The following FSTL1 variants were observed in gnomAD, a reference collection of about 807,000 sequenced individuals.
FSTL1 encodes the protein follistatin like 1, also known as follistatin-related protein 1.
Under a neutral mutation model 45.9 loss-of-function variants are expected in FSTL1, and 24 were observed. That is an observed-to-expected ratio of 0.52 (90% CI 0.38 to 0.74). The LOEUF (loss-of-function observed/expected upper bound fraction) is 0.74. FSTL1 is among the 30% of genes least tolerant of loss of function. The probability of loss-of-function intolerance (pLI) is 0.00; values close to 1 mark genes in which losing one functional copy is unlikely to be tolerated. For synonymous variants in FSTL1, 120 were observed against 137.6 expected (o/e 0.87, Z 0.89); for missense variants, 340 against 381.8 (o/e 0.89, Z 0.91).
At chr3:120,400,773 C>T (rs1220673956) in intron 9 of FSTL1, among the ~76,000 whole-genome samples, 1 of 152,186 alleles carries the variant, frequency 6.6e-6, no homozygotes. Context: ...CAGGTATTAA[C>T]CTGAAAATGC....
intron 2 of FSTL1, chr3:120,441,427 G>A (rs1401870304): frequency 6.6e-6 from 1 of 152,204 alleles, no homozygotes; most frequent in Non-Finnish European, 1.5e-5. Context: ...TAGAACTGTG[G>A]CTTCACAGAA....
intron 2 of FSTL1, among the ~76,000 whole-genome samples, chr3:120,437,342 T>C (rs1312899470): frequency 1.3e-5 from 2 of 152,194 alleles, no homozygotes; most frequent in East Asian, 3.8e-4. Flanking sequence ...ATGAATGACA[T>C]GCACTTATTA....
intron 2 of FSTL1, among the ~76,000 whole-genome samples, chr3:120,426,208 A>G (rs983360518): frequency 1.1e-4 from 16 of 152,130 alleles, no homozygotes; most frequent in Non-Finnish European, 1.2e-4. Context: ...CAAATCAAAG[A>G]AGGGAGAAAG....
At chr3:120,401,833 A>T (rs1211857129) in intron 9 of FSTL1, among the ~76,000 whole-genome samples, 1 of 152,184 alleles carries the variant, frequency 6.6e-6, no homozygotes, top group African/African-American at 2.4e-5. Flanking sequence ...TGGCCTCCCC[A>T]AGTGTTGGGA....
chr3:120,412,594 T>C (rs1167713113), intron 3 of FSTL1, among the ~76,000 whole-genome samples: 2 of 152,178 alleles, frequency 1.3e-5, no homozygotes, highest in East Asian at 1.9e-4. Context: ...TATTTTGTTA[T>C]AGCAGCCCAA....
intron 2 of FSTL1, among the ~76,000 whole-genome samples, chr3:120,431,826 CA>C (rs1937483366): frequency 6.6e-6 from 1 of 152,164 alleles, no homozygotes; most frequent in African/African-American, 2.4e-5. Flanking sequence ...AACATACAGG[CA>C]AGGCAGCATG....
chr3:120,447,044 G>A (rs1001236164), intron 2 of FSTL1, among the ~76,000 whole-genome samples: 1 of 152,144 alleles, frequency 6.6e-6, no homozygotes, highest in African/African-American at 2.4e-5. Flanking sequence ...GGAGAGTGGG[G>A]GTATGCTTGG....
At chr3:120,416,644 A>T (rs1473885837) in intron 2 of FSTL1, among the ~76,000 whole-genome samples, 3 of 152,228 alleles carry the variant, frequency 2.0e-5, no homozygotes, top group Admixed American at 6.5e-5. Flanking sequence ...TCTAGGCATT[A>T]TCATCTCAAA....
At chr3:120,422,319 A>T (rs1385456595) in intron 2 of FSTL1, among the ~76,000 whole-genome samples, 3 of 152,244 alleles carry the variant, frequency 2.0e-5, no homozygotes, top group African/African-American at 7.2e-5. Flanking sequence ...AAGAGGATAG[A>T]TCATAAATTA....
rs968689744 is a variant in FSTL1 at position 120,394,841 on chromosome 3, G to A, written c.*2111C>T. 4.6e-5 allele frequency: 7 copies of A among 152,246 alleles called. No individual in the cohort carries two copies. Among genetic ancestry groups the A allele is most frequent in the Non-Finnish European group, 1.0e-4 (7 of 68,052 alleles). The allele number at this position is 152,246 out of a possible 1,614,324, so 9.4% of individuals were successfully genotyped here. On this transcript the variant is annotated 3_prime_UTR_variant, in exon 11 of 11. Transcript: ENST00000295633. ...AGCTGCAGAACTCAAGAGGAATGTGGATTTGCTCTTGGGAGTTCAATGTTG... is the reference window on the plus strand; with the variant it reads ...AGCTGCAGAACTCAAGAGGAATGTGAATTTGCTCTTGGGAGTTCAATGTTG...
intron 2 of FSTL1, among the ~76,000 whole-genome samples, chr3:120,436,161 T>C (rs1937553987): frequency 1.3e-5 from 2 of 151,692 alleles, no homozygotes; most frequent in Non-Finnish European, 2.9e-5. Flanking sequence ...TTGTAGAAAA[T>C]GAAAAAACAC....
chr3:120,415,920 T>C lies in FSTL1; in HGVS notation c.168+3A>G. 1 of 1,594,754 alleles carries C rather than the reference T, an allele frequency of 6.3e-7. No individual in the cohort carries two copies. Among genetic ancestry groups the C allele is most frequent in the Non-Finnish European group, 8.6e-7 (1 of 1,162,288 alleles). ...TCCTCTGGCTCCCGACATCAGGACT[T>C]ACCTCAATGCAGAGACAGGTGGGTT... On this transcript the variant is annotated splice_donor_region_variant and intron_variant, in intron 3 of 10. Transcript: ENST00000295633.
chr3:120,425,325 G>A (rs1190997942), intron 2 of FSTL1, among the ~76,000 whole-genome samples: 1 of 150,668 alleles, frequency 6.6e-6, no homozygotes, highest in Non-Finnish European at 1.5e-5. Context: ...TGAATGCCAT[G>A]TAAGAGAAAT....
chr3:120,401,133 T>C (rs1936818298), intron 9 of FSTL1, among the ~76,000 whole-genome samples: 1 of 152,096 alleles, frequency 6.6e-6, no homozygotes, highest in South Asian at 2.1e-4. Context: ...AGCGGAGAGG[T>C]ACTGAAGGGA....
intron 10 of FSTL1, among the ~76,000 whole-genome samples, 172 bp downstream of exon 10, chr3:120,399,711 G>A (rs1936779759): frequency 2.0e-5 from 3 of 152,168 alleles, no homozygotes. Context: ...GACTTTATCA[G>A]GGAACTGTCT....
intron 9 of FSTL1, among the ~76,000 whole-genome samples, chr3:120,401,485 C>T (rs1292725307): frequency 6.6e-6 from 1 of 152,198 alleles, no homozygotes; most frequent in South Asian, 2.1e-4. Context: ...TCCTGGGTTT[C>T]TGACCTCTGT....
At chr3:120,441,830 C>T (rs992980945) in intron 2 of FSTL1, among the ~76,000 whole-genome samples, 4 of 152,242 alleles carry the variant, frequency 2.6e-5, no homozygotes, top group African/African-American at 9.6e-5. Context: ...GGGGTAGATA[C>T]TCTGGATTAA....
chr3:120,414,200 C>T lies in FSTL1; in HGVS notation c.168+1723G>A, dbSNP rs556786743. 6.1e-3 allele frequency among the ~76,000 whole-genome samples: 934 copies of T among 152,192 alleles called. 12 individuals carry two copies. Among genetic ancestry groups the T allele is most frequent in the African/African-American group, 0.021 (874 of 41,538 alleles). On this transcript the variant is annotated intron_variant, in intron 3 of 10. Coordinates refer to ENST00000295633, the MANE Select transcript of FSTL1 (RefSeq NM_007085.5). ...GAGATTGCAGCCTCTGCCTGGCTGCCACCCCGTCTGGGAAGTGAGGAGCGT... is the reference window on the plus strand; with the variant it reads ...GAGATTGCAGCCTCTGCCTGGCTGCTACCCCGTCTGGGAAGTGAGGAGCGT...
intron 7 of FSTL1, among the ~76,000 whole-genome samples, chr3:120,403,920 CAAAAAAAAAA>C (rs34145564): frequency 1.9e-5 from 1 of 52,146 alleles, no homozygotes; most frequent in African/African-American, 8.4e-5. Context: ...GACTCCGTCT[CAAAAAAAAAA>C]AAAAAAAAAA....
Sources: gnomAD v4.1 joint callset for allele counts (sites outside exome capture counted in the v4.1 genomes callset) on GRCh38, gnomAD v4.1.1 for gene constraint, MANE v1.5 for transcripts, NCBI Gene and HGNC (gene_info 2026-07-23, HGNC 2026-07-21) for gene names.